Variants in IKZF3 observed in about 807,000 individuals in gnomAD.
The protein encoded by IKZF3 is IKAROS family zinc finger 3.
Under a neutral mutation model 49.0 loss-of-function variants are expected in IKZF3, and 10 were observed. The observed-to-expected ratio is 0.20, with a 90% CI of 0.13 to 0.35. IKZF3 has a LOEUF of 0.35. Ranked by LOEUF, IKZF3 falls within the 10% of genes least tolerant of loss-of-function variation. IKZF3 has a pLI of 1.00. For synonymous variants in IKZF3, 209 were observed against 228.2 expected, an observed-to-expected ratio of 0.92 and a Z score of 0.76; for missense variants, 498 against 664.8, an observed-to-expected ratio of 0.75 and a Z score of 2.76.
In IKZF3 at chr17:39,761,383, CG is replaced by C. The variant is rs1820927769; in HGVS notation, c.*4406del. The C allele has an allele frequency of 6.6e-6, 1 of 151,424 alleles. No individual in the cohort carries two copies. The highest frequency in any genetic ancestry group is 2.1e-4 in the South Asian group (1 of 4,796). The allele number at this position is 151,424 out of a possible 1,614,324, so 9.4% of individuals were successfully genotyped here. On this transcript the variant is annotated 3_prime_UTR_variant, in exon 8 of 8. Transcript: ENST00000346872. ...AGACACTTCTATTTAGTTTTCTTTC[CG>C]TAGGAAGTACCGATGCAACACTTCA...
intron 7 of IKZF3, among the ~76,000 whole-genome samples, chr17:39,775,911 T>C (rs2060571155): frequency 7.2e-6 from 1 of 139,272 alleles, no homozygotes; most frequent in African/African-American, 2.7e-5. Context: ...GCGACAAGAG[T>C]GAAACTCTGT....
At chr17:39,855,385 A>G (rs2063008053) in intron 1 of IKZF3, among the ~76,000 whole-genome samples, 1 of 152,244 alleles carries the variant, frequency 6.6e-6, no homozygotes, top group Non-Finnish European at 1.5e-5. Context: ...TAAGCACTAC[A>G]TGAATTCCTA....
chr17:39,857,962 T>TAAA (rs35840686), intron 1 of IKZF3, among the ~76,000 whole-genome samples: 1,369 of 117,058 alleles, frequency 0.012, 30 homozygotes, highest in African/African-American at 0.04. Context: ...TCTCAAAAAT[T>TAAA]AAAAAAAAAA....
chr17:39,790,806 A>G (rs2060998965), intron 5 of IKZF3, among the ~76,000 whole-genome samples: 1 of 152,046 alleles, frequency 6.6e-6, no homozygotes, highest in Non-Finnish European at 1.5e-5. Context: ...CTGTAATCCC[A>G]GCACTTTGGG....
intron 1 of IKZF3, among the ~76,000 whole-genome samples, chr17:39,853,943 T>C (rs1490102810): frequency 1.4e-5 from 2 of 148,080 alleles, no homozygotes; most frequent in African/African-American, 2.5e-5. Context: ...GCCTGACCAA[T>C]ATGGTGAAAC....
At chr17:39,816,951 C>T (rs908912162) in intron 3 of IKZF3, among the ~76,000 whole-genome samples, 5 of 152,118 alleles carry the variant, frequency 3.3e-5, no homozygotes, top group Non-Finnish European at 7.4e-5. Flanking sequence ...TAACCTCAGG[C>T]GATCTGCCTG....
Position 39,864,212 on chromosome 17 carries a change from C to CT in IKZF3, c.-87dup. ...GCCGTCGCCTGGACTCAGCGCGCAG[C>CT]TGGCGGGAGATTCCCGGCGCGGGGA... is the stretch of plus-strand genomic sequence containing the variant. On this transcript the variant is annotated 5_prime_UTR_variant, in exon 1 of 8. Transcript: ENST00000346872. 2.7e-6 allele frequency: 4 copies of CT among 1,497,472 alleles called. No homozygotes were observed. The highest frequency in any genetic ancestry group is 3.6e-6 in the Non-Finnish European group (4 of 1,106,876). The allele number at this position is 1,497,472 out of a possible 1,614,324, so 92.8% of individuals were successfully genotyped here.
intron 3 of IKZF3, among the ~76,000 whole-genome samples, chr17:39,818,261 A>G (rs928463855): frequency 1.3e-5 from 2 of 152,240 alleles, no homozygotes; most frequent in African/African-American, 4.8e-5. Flanking sequence ...GTGGTATATG[A>G]CTGAATACTA....
intron 4 of IKZF3, 120 bp from the exon 5 acceptor site, chr17:39,791,703 G>T: frequency 9.9e-7 from 1 of 1,006,056 alleles, no homozygotes; most frequent in Non-Finnish European, 1.5e-6. Flanking sequence ...ATTGGGATCA[G>T]TTGGGAGCTG....
chr17:39,770,418 G>A (rs376412802), intron 7 of IKZF3, among the ~76,000 whole-genome samples: 15 of 152,242 alleles, frequency 9.9e-5, no homozygotes, highest in South Asian at 4.1e-4. Context: ...CCTACCTGTG[G>A]TTCTTTTTAA....
At chr17:39,794,114 C>G (rs1211213669) in intron 3 of IKZF3, among the ~76,000 whole-genome samples, 5 of 152,162 alleles carry the variant, frequency 3.3e-5, no homozygotes, top group Non-Finnish European at 7.3e-5. Flanking sequence ...TAATCCAACC[C>G]TCTTGTTTCT....
intron 5 of IKZF3, among the ~76,000 whole-genome samples, chr17:39,790,736 CG>C (rs746555683): frequency 2.0e-5 from 3 of 151,848 alleles, no homozygotes; most frequent in Non-Finnish European, 1.5e-5. Context: ...AAATCTTTAC[CG>C]TTGTTCAATC....
intron 3 of IKZF3, among the ~76,000 whole-genome samples, chr17:39,807,949 G>C (rs1447664568): frequency 6.6e-6 from 1 of 152,152 alleles, no homozygotes; most frequent in Non-Finnish European, 1.5e-5. Flanking sequence ...CTAAAACATG[G>C]TGGTAGTTGT....
chr17:39,805,897 C>T (rs569098394), intron 3 of IKZF3, among the ~76,000 whole-genome samples: 1 of 152,360 alleles, frequency 6.6e-6, no homozygotes, highest in South Asian at 2.1e-4. Flanking sequence ...TTTCAAACAG[C>T]AGCTTCTAAT....
chr17:39,862,552 G>A (rs1000237024), intron 1 of IKZF3, among the ~76,000 whole-genome samples: 13 of 152,126 alleles, frequency 8.5e-5, no homozygotes, highest in African/African-American at 1.4e-4. Context: ...TACTCTATAC[G>A]CAAGGACCTG....
intron 3 of IKZF3, among the ~76,000 whole-genome samples, chr17:39,827,998 C>G (rs2062003017): frequency 6.6e-6 from 1 of 152,108 alleles, no homozygotes; most frequent in African/African-American, 2.4e-5. Flanking sequence ...TATGACTATA[C>G]AATTCTTGCC....
In IKZF3 at chr17:39,861,755, T is replaced by G. The variant is rs543800803; in HGVS notation, c.7+2365A>C. Among the ~76,000 whole-genome samples the G allele has an allele frequency of 2.6e-5, 4 of 152,192 alleles. No individual in the cohort carries two copies. In the East Asian group the frequency reaches 7.7e-4, roughly 29 times the overall value. On this transcript the variant is annotated intron_variant, in intron 1 of 7. Coordinates refer to ENST00000346872, the MANE Select transcript of IKZF3 (RefSeq NM_012481.5). ...CAAAAATTGTACAATATCCTAGGTA[T>G]GTTTGGTGTAGGGGCATTCAGCTCA...
intron 3 of IKZF3, among the ~76,000 whole-genome samples, chr17:39,798,507 A>ATTT (rs35545323): frequency 3.6e-5 from 5 of 138,206 alleles, no homozygotes; most frequent in East Asian, 2.1e-4. Context: ...CATCCTACGT[A>ATTT]TTTTTTTTTT....
intron 7 of IKZF3, among the ~76,000 whole-genome samples, chr17:39,776,873 A>G (rs2060604069): frequency 6.6e-6 from 1 of 152,220 alleles, no homozygotes; most frequent in Non-Finnish European, 1.5e-5. Flanking sequence ...GTCTATTTTC[A>G]TGTGATAACT....
Sources: allele counts gnomAD v4.1 joint callset (sites outside exome capture counted in the v4.1 genomes callset), GRCh38; gene constraint gnomAD v4.1.1; transcripts MANE v1.5; gene names NCBI Gene and HGNC (gene_info 2026-07-23, HGNC 2026-07-21).